The following SSMEM1 variants were observed in gnomAD, a reference collection of about 807,000 sequenced individuals.
The protein encoded by SSMEM1 is serine rich single-pass membrane protein 1.
Under a neutral mutation model 9.9 loss-of-function variants are expected in SSMEM1, and 12 were observed. The observed-to-expected ratio is 1.21, with a 90% CI of 0.78 to 1.96. The LOEUF is 1.96. Ranked by LOEUF, SSMEM1 falls within the 30% of genes most tolerant of loss-of-function variation. The pLI, the probability that SSMEM1 is intolerant of heterozygous loss-of-function variation, is 0.00. For synonymous variants in SSMEM1, 96 were observed against 98.9 expected, an observed-to-expected ratio of 0.97 and a Z score of 0.17; for missense variants, 259 against 292.2, an observed-to-expected ratio of 0.89 and a Z score of 0.83.
intron 2 of SSMEM1, 78 bp from the exon 3 acceptor site, chr7:130,215,896 G>A (rs746496470): frequency 1.4e-5 from 21 of 1,545,906 alleles, no homozygotes; most frequent in South Asian, 2.5e-5. Flanking sequence ...GAGCTCACAC[G>A]TGCACAGGCT....
rs148378256 is a variant in SSMEM1 at position 130,207,956 on chromosome 7, A to G, written c.46A>G (p.Ile16Val). The G allele has an allele frequency of 5.6e-6, 9 of 1,613,904 alleles. No individual in the cohort carries two copies. The highest frequency in any genetic ancestry group is 2.2e-5 in the South Asian group (2 of 91,074). The change falls in exon 1 of 3, where the codon ATA becomes GTA. Residue 16 changes from isoleucine to valine, a missense_variant. By Grantham distance (29) the Ile-to-Val change is conservative (BLOSUM62 3). Coordinates refer to ENST00000297819, the MANE Select transcript of SSMEM1 (RefSeq NM_145268.4). ...ATTTTGGGAGGTAGATCCTCCCCCA[A>G]TACCTGTAAATTGTGCCATTCCAAA... Reference protein sequence around the residue: ...SLFWEVDPPPIPVNCAIPNQD... With the variant: ...SLFWEVDPPPVPVNCAIPNQD...
intron 1 of SSMEM1, among the ~76,000 whole-genome samples, chr7:130,211,110 A>T (rs1192840999): frequency 6.6e-6 from 1 of 151,464 alleles, no homozygotes. Flanking sequence ...ATACATATTA[A>T]ATTTAAAATA....
chr7:130,211,191 G>A (rs1166255980), intron 1 of SSMEM1, among the ~76,000 whole-genome samples: 2 of 126,034 alleles, frequency 1.6e-5, no homozygotes, highest in African/African-American at 3.1e-5. Flanking sequence ...ACAGAGTCTC[G>A]CTGTCACCCA....
chr7:130,216,152 C>T lies in SSMEM1; in HGVS notation c.417C>T (p.Asn139=). The T allele has an allele frequency of 1.2e-6, 2 of 1,614,136 alleles. No individual in the cohort carries two copies. The highest frequency in any genetic ancestry group is 2.7e-5 in the African/African-American group (2 of 75,012). ...ARRQSQFNEV[N]QNQHDSDTTE... ...GCCAGTCTCAGTTCAATGAGGTGAACCAGAACCAACATGACAGTGATACTA... is the reference window on the plus strand; with the variant it reads ...GCCAGTCTCAGTTCAATGAGGTGAATCAGAACCAACATGACAGTGATACTA... The change falls in exon 3 of 3, where the codon AAC becomes AAT. Residue 139 remains asparagine, a synonymous_variant. Transcript: ENST00000297819.
intron 2 of SSMEM1, 151 bp from the exon 3 acceptor site, chr7:130,215,823 C>T (rs1193330628): frequency 9.9e-7 from 1 of 1,006,328 alleles, no homozygotes; most frequent in African/African-American, 1.6e-5. Context: ...AAAATGCAGT[C>T]AGCTGCCAAC....
intron 2 of SSMEM1, among the ~76,000 whole-genome samples, chr7:130,215,575 C>T (rs1047531577): frequency 6.6e-6 from 1 of 152,204 alleles, no homozygotes; most frequent in Non-Finnish European, 1.5e-5. Context: ...CTTCCTCACA[C>T]CACTACGTAA....
Position 130,216,259 on chromosome 7 carries a change from G to C in SSMEM1, c.524G>C (p.Ser175Thr), listed in dbSNP as rs749535953. ...AGTGAACACCACCCATCACCAGACAGTATTAAGAGGAGAAAAATGGCTCAG... is the reference window on the plus strand; with the variant it reads ...AGTGAACACCACCCATCACCAGACACTATTAAGAGGAGAAAAATGGCTCAG... The part of the protein sequence containing the change: ...SESEHHPSPD[S>T]IKRRKMAQRQ... The change falls in exon 3 of 3, where the codon AGT becomes ACT. Residue 175 changes from serine to threonine, a missense_variant. Transcript: ENST00000297819. The C allele has an allele frequency of 2.5e-6, 4 of 1,614,142 alleles. No homozygotes were observed. Among genetic ancestry groups the C allele is most frequent in the African/African-American group, 2.7e-5 (2 of 75,028 alleles).
chr7:130,207,713 A>G, upstream of SSMEM1: 1 of 697,202 alleles, frequency 1.4e-6, no homozygotes, highest in Non-Finnish European at 2.6e-6. Context: ...AATAACATAA[A>G]CATTCAGAGG....
chr7:130,213,165 T>C (rs1798624594), intron 1 of SSMEM1, among the ~76,000 whole-genome samples: 1 of 151,992 alleles, frequency 6.6e-6, no homozygotes, highest in Admixed American at 6.6e-5. Flanking sequence ...CTGGCCAACA[T>C]GGTGAAACCC....
At chr7:130,206,213 A>G (rs1798459732), upstream of SSMEM1, among the ~76,000 whole-genome samples, 1 of 152,234 alleles carries the variant, frequency 6.6e-6, no homozygotes, top group Non-Finnish European at 1.5e-5. Flanking sequence ...GATATAGAAA[A>G]TAAGACCTTC....
rs542768619 is a variant in SSMEM1 at position 130,211,540 on chromosome 7, C to G, written c.184-1940C>G. ...TGTAACCCAGAAAACAAAAAGGCAC[C>G]TCATTAAAGATGCTTGCCTACCATT... is the stretch of plus-strand genomic sequence containing the variant. On this transcript the variant is annotated intron_variant, in intron 1 of 2. Transcript: ENST00000297819. Among the ~76,000 whole-genome samples, 336 of 152,166 alleles carry G rather than the reference C, an allele frequency of 2.2e-3. 2 individuals are homozygous for G. The highest frequency in any genetic ancestry group is 7.6e-3 in the African/African-American group (315 of 41,514).
At chr7:130,209,961 G>T (rs1485786588) in intron 1 of SSMEM1, among the ~76,000 whole-genome samples, 1 of 152,202 alleles carries the variant, frequency 6.6e-6, no homozygotes, top group African/African-American at 2.4e-5. Flanking sequence ...CCTCAAGAGA[G>T]CATGTGGTCC....
upstream of SSMEM1, chr7:130,207,819 A>T: frequency 7.2e-7 from 1 of 1,384,316 alleles, no homozygotes; most frequent in Middle Eastern, 1.8e-4. Flanking sequence ...TAGGTTGCCA[A>T]GGAAATTGTC....
chr7:130,210,236 A>G (rs1224816348), intron 1 of SSMEM1, among the ~76,000 whole-genome samples: 1 of 152,218 alleles, frequency 6.6e-6, no homozygotes, highest in Non-Finnish European at 1.5e-5. Flanking sequence ...GGCAGCTACA[A>G]TCAGCTAGAC....
upstream of SSMEM1, chr7:130,205,522 C>T (rs1353661869): frequency 6.2e-6 from 8 of 1,300,100 alleles, no homozygotes; most frequent in Non-Finnish European, 8.8e-6. Flanking sequence ...GGGTCGCAGG[C>T]CCAGGCGCTC....
At chr7:130,213,623 T>G in intron 2 of SSMEM1, 89 bp downstream of exon 2, 1 of 1,135,900 alleles carries the variant, frequency 8.8e-7, no homozygotes, top group Non-Finnish European at 1.2e-6. Context: ...CTCAGAAGGC[T>G]GAGGCAGGAG....
rs1798700760 is a variant in SSMEM1, at chr7:130,216,104, TC to T, written c.371del (p.Pro124LeufsTer15). ...CAGAAGTGGCTTTGGTCAATGCCTA[TC>T]CTGAACAAAGACGAGCCAGGCGCCA... ...NSEVALVNAY[P>X]EQRRARRQSQ... On this transcript the variant is annotated frameshift_variant, in exon 3 of 3. Coordinates refer to ENST00000297819, the MANE Select transcript of SSMEM1 (RefSeq NM_145268.4). LOFTEE classifies it low-confidence loss of function (END_TRUNC). 1 of 1,614,012 alleles carries T rather than the reference TC, an allele frequency of 6.2e-7. No homozygotes were observed. Among genetic ancestry groups the T allele is most frequent in the African/African-American group, 1.3e-5 (1 of 74,908 alleles).
At chr7:130,205,875 C>T (rs1262144680), upstream of SSMEM1, among the ~76,000 whole-genome samples, 1 of 152,016 alleles carries the variant, frequency 6.6e-6, no homozygotes, top group Non-Finnish European at 1.5e-5. Flanking sequence ...AGGGTTTCGC[C>T]ATGTTGGCCA....
intron 1 of SSMEM1, among the ~76,000 whole-genome samples, chr7:130,209,047 C>T (rs912149975): frequency 6.6e-6 from 1 of 152,094 alleles, no homozygotes; most frequent in African/African-American, 2.4e-5. Context: ...ATTTTTAGTA[C>T]AGATGGGGTT....
Sources: gnomAD v4.1 joint callset for allele counts (sites outside exome capture counted in the v4.1 genomes callset) on GRCh38, gnomAD v4.1.1 for gene constraint, MANE v1.5 for transcripts, NCBI Gene and HGNC (gene_info 2026-07-23, HGNC 2026-07-21) for gene names.